Variants in CPHXL observed in about 807,000 individuals in gnomAD.
CPHXL encodes cytoplasmic polyadenylated homeobox-like protein.
rs150612778 is a variant in CPHXL at position 75,715,391 on chromosome 16, G to C, written c.220-169C>G. Among the ~76,000 whole-genome samples the C allele has an allele frequency of 3.3e-4, 51 of 152,252 alleles. No individual in the cohort carries two copies. In the East Asian group the frequency reaches 8.9e-3, roughly 27 times the overall value. On this transcript the variant is annotated intron_variant, in intron 2 of 2. Coordinates refer to ENST00000640559, the MANE Select transcript of CPHXL (RefSeq NM_001355613.1). ...AATAATAAAGGCAATCTGTCCTAGA[G>C]GTACATGTGATAACACAGGTCATGC...
At chr16:75,724,855 G>A (rs1360802301) in intron 1 of CPHXL, among the ~76,000 whole-genome samples, 3 of 152,182 alleles carry the variant, frequency 2.0e-5, no homozygotes, top group African/African-American at 7.2e-5. Flanking sequence ...ATTCACAATA[G>A]CAAAGACTTG....
At chr16:75,723,033 T>TG (rs1323988054) in intron 1 of CPHXL, among the ~76,000 whole-genome samples, 6 of 152,190 alleles carry the variant, frequency 3.9e-5, no homozygotes, top group African/African-American at 1.4e-4. Context: ...AGAAAAGGCC[T>TG]TTGACAAAAT....
At chr16:75,715,716 G>A (rs62058718) in intron 2 of CPHXL, among the ~76,000 whole-genome samples, 1 of 150,222 alleles carries the variant, frequency 6.7e-6, no homozygotes, top group East Asian at 1.9e-4. Context: ...TTTTTTTTTG[G>A]ACAGAGTTTT....
Position 75,724,718 on chromosome 16 carries a change from G to A in CPHXL, c.25+1700C>T, listed in dbSNP as rs563814690. ...CAACCATTGTGGAAGTCAGTGTGGC[G>A]ATTCCTCAGGGATCTAGAACTAGAA... is the stretch of plus-strand genomic sequence containing the variant. On this transcript the variant is annotated intron_variant, in intron 1 of 2. Transcript: ENST00000640559. Among the ~76,000 whole-genome samples, 7 of 152,270 alleles carry A rather than the reference G, an allele frequency of 4.6e-5. No individual in the cohort carries two copies. The East Asian group carries it at 5.8e-4, about 13-fold the overall frequency.
At chr16:75,716,806 G>C (rs1959399243) in intron 2 of CPHXL, among the ~76,000 whole-genome samples, 1 of 152,098 alleles carries the variant, frequency 6.6e-6, no homozygotes, top group Admixed American at 6.5e-5. Context: ...GCTACTAGGG[G>C]CTACCCACCC....
At chr16:75,715,522 C>T (rs1959378123) in intron 2 of CPHXL, among the ~76,000 whole-genome samples, 1 of 152,174 alleles carries the variant, frequency 6.6e-6, no homozygotes, top group African/African-American at 2.4e-5. Context: ...GTTTGTGACC[C>T]ATTTGCAATG....
chr16:75,716,393 G>T (rs1427923299), intron 2 of CPHXL, among the ~76,000 whole-genome samples: 1 of 152,342 alleles, frequency 6.6e-6, no homozygotes, highest in East Asian at 1.9e-4. Flanking sequence ...TCAGGTCAGG[G>T]CTCCTGCTGA....
rs568548187 is a variant in CPHXL at position 75,718,300 on chromosome 16, C to A, written c.184G>T (p.Ala62Ser). 1 of 398,742 alleles carries A rather than the reference C, an allele frequency of 2.5e-6. No individual in the cohort carries two copies. The highest frequency in any genetic ancestry group is 1.3e-4 in the South Asian group (1 of 7,862). 24.7% of individuals were successfully genotyped at this position (398,742 alleles called of 1,614,324 possible). A position where few individuals can be genotyped will look rare whatever the true frequency, so the allele number is the denominator to read the frequency against. ...TTTACCGGACAATCAAATTTGATGGCCAGTGTTTTCCTAGTTGTGTAATCG... is the reference window on the plus strand; with the variant it reads ...TTTACCGGACAATCAAATTTGATGGACAGTGTTTTCCTAGTTGTGTAATCG... ...YPDYTTRKTL[A>S]IKFDCPVNVI... The change falls in exon 2 of 3, where the codon GCC becomes TCC. Residue 62 changes from alanine (A) to serine (S), a missense_variant. Transcript: ENST00000640559.
At position 75,714,822 on chromosome 16, in the gene CPHXL, C is replaced by T. The variant is rs554329318; in HGVS notation, c.620G>A (p.Ser207Asn). 7.8e-5 allele frequency: 31 copies of T among 398,688 alleles called. 1 individual carries two copies. In the South Asian group the frequency reaches 1.8e-3, roughly 23 times the overall value. The allele number at this position is 398,688 out of a possible 1,614,324, so 24.7% of individuals were successfully genotyped here. The change falls in exon 3 of 3, where the codon AGT becomes AAT. Residue 207 changes from serine to asparagine, a missense_variant. Transcript: ENST00000640559. ...TTCAGTGCCTGTGACCAGATAGGAA[C>T]TCTGGGAGGCCACCTGTTGACTGGG... is the stretch of plus-strand genomic sequence containing the variant. Reference protein sequence around the residue: ...GIPSQQVASQSSYLVTGTEKH... With the variant: ...GIPSQQVASQNSYLVTGTEKH...
Position 75,714,833 on chromosome 16 carries a change from C to A in CPHXL, c.609G>T (p.Val203=). Reference sequence around the variant, plus strand: ...TGACCAGATAGGAACTCTGGGAGGCCACCTGTTGACTGGGAATCCCTAGTT... The same window carrying A: ...TGACCAGATAGGAACTCTGGGAGGCAACCTGTTGACTGGGAATCCCTAGTT... ...LEKLGIPSQQ[V]ASQSSYLVTG... is the part of the protein sequence containing the mutation. Residue 203 remains valine, a synonymous_variant, in exon 3 of 3, where the codon GTG becomes GTT. Transcript: ENST00000640559. 2 of 398,648 alleles carry A rather than the reference C, an allele frequency of 5.0e-6. No individual in the cohort carries two copies. The highest frequency in any genetic ancestry group is 8.8e-6 in the Non-Finnish European group (2 of 226,110). The allele number at this position is 398,648 out of a possible 1,614,324, so 24.7% of individuals were successfully genotyped here.
intron 1 of CPHXL, among the ~76,000 whole-genome samples, chr16:75,725,741 CG>C (rs1340056951): frequency 7.6e-6 from 1 of 132,350 alleles, no homozygotes; most frequent in African/African-American, 2.6e-5. Context: ...AGTGAGCCAC[CG>C]TGCCCGGCGT....
chr16:75,723,976 T>A (rs935554942), intron 1 of CPHXL, among the ~76,000 whole-genome samples: 1 of 152,210 alleles, frequency 6.6e-6, no homozygotes, highest in Non-Finnish European at 1.5e-5. Flanking sequence ...GCCACATATC[T>A]ACAACCATCT....
chr16:75,725,417 T>C (rs1276196478), intron 1 of CPHXL, among the ~76,000 whole-genome samples: 2 of 151,878 alleles, frequency 1.3e-5, no homozygotes, highest in African/African-American at 2.4e-5. Context: ...ACTTTTGTAG[T>C]AGCTGGGACT....
intron 2 of CPHXL, among the ~76,000 whole-genome samples, chr16:75,716,212 ACAGT>A (rs1454002593): frequency 3.3e-5 from 5 of 152,218 alleles, no homozygotes; most frequent in Non-Finnish European, 7.3e-5. Context: ...CACCAGGCAA[ACAGT>A]CAGTTCTGTA....
chr16:75,718,380 A>T lies in CPHXL; in HGVS notation c.104T>A (p.Phe35Tyr). Residue 35 changes from phenylalanine to tyrosine, a missense_variant, in exon 2 of 3, where the codon TTT becomes TAT. Coordinates refer to ENST00000640559, the MANE Select transcript of CPHXL (RefSeq NM_001355613.1). ...AAGTTCCTGCAGTAATTCTTCAGAAAATTTATGTCGGTGTTTTGTTTTTCT... is the reference window on the plus strand; with the variant it reads ...AAGTTCCTGCAGTAATTCTTCAGAATATTTATGTCGGTGTTTTGTTTTTCT... ...NKRKTKHRHK[F>Y]SEELLQELKE... The T allele has an allele frequency of 2.5e-6, 1 of 398,722 alleles. No homozygotes were observed. The highest frequency in any genetic ancestry group is 3.6e-5 in the East Asian group (1 of 28,072). The allele number at this position is 398,722 out of a possible 1,614,324, so 24.7% of individuals were successfully genotyped here.
intron 1 of CPHXL, among the ~76,000 whole-genome samples, chr16:75,724,900 A>G (rs929321464): frequency 6.6e-6 from 1 of 152,246 alleles, no homozygotes; most frequent in African/African-American, 2.4e-5. Flanking sequence ...GATAGACTGG[A>G]TTAAGAAAAT....
At chr16:75,724,517 T>C (rs935887435) in intron 1 of CPHXL, among the ~76,000 whole-genome samples, 7 of 152,008 alleles carry the variant, frequency 4.6e-5, no homozygotes, top group African/African-American at 1.7e-4. Flanking sequence ...AAAAGACAAA[T>C]GAAAAAATGC....
intron 1 of CPHXL, among the ~76,000 whole-genome samples, chr16:75,724,885 A>G (rs981313056): frequency 6.6e-6 from 1 of 152,240 alleles, no homozygotes; most frequent in Non-Finnish European, 1.5e-5. Flanking sequence ...CAAATGTCCA[A>G]CAATGATAGA....
rs1597219263 is a variant in CPHXL at position 75,716,340 on chromosome 16, C to T, written c.220-1118G>A. On this transcript the variant is annotated intron_variant, in intron 2 of 2. Transcript: ENST00000640559. ...TGCAAGTCTGCCCCTCCTTCAGATG[C>T]CAGTTGCAAGTCTGGGCTTCTGAAA... is the stretch of plus-strand genomic sequence containing the variant. 3.3e-5 allele frequency among the ~76,000 whole-genome samples: 5 copies of T among 152,294 alleles called. No individual in the cohort carries two copies. The Middle Eastern group carries it at 0.017, about 518-fold the overall frequency.
Sources: gnomAD v4.1 joint callset for allele counts (sites outside exome capture counted in the v4.1 genomes callset) on GRCh38, gnomAD v4.1.1 for gene constraint, MANE v1.5 for transcripts, NCBI Gene and HGNC (gene_info 2026-07-23, HGNC 2026-07-21) for gene names.